The following SYT12 variants were observed in gnomAD, a reference collection of about 807,000 sequenced individuals.
SYT12 encodes the protein synaptotagmin 12.
In SYT12, 27 loss-of-function variants were observed where a neutral mutation model predicts 39.5. That is an observed-to-expected ratio of 0.68 (90% CI 0.50 to 0.94). The LOEUF (loss-of-function observed/expected upper bound fraction) is 0.94. Among genes scored for constraint, SYT12 ranks in the 40% least tolerant of loss-of-function variants. The pLI, the probability that SYT12 is intolerant of heterozygous loss-of-function variation, is 0.00. For synonymous variants in SYT12, 233 were observed against 239.7 expected (o/e 0.97, Z 0.26); for missense variants, 536 against 572.6 (o/e 0.94, Z 0.65).
upstream of SYT12, among the ~76,000 whole-genome samples, chr11:67,018,319 C>T (rs537473412): frequency 2.0e-5 from 3 of 151,596 alleles, no homozygotes; most frequent in East Asian, 5.8e-4. Context: ...GGTACACTGC[C>T]TGTGGGGTAG....
chr11:67,035,812 TCC>T, intron 3 of SYT12, among the ~76,000 whole-genome samples: 3 of 72,316 alleles, frequency 4.1e-5, no homozygotes, highest in East Asian at 8.3e-4. Context: ...CTTCCTTCCT[TCC>T]TTCCTTCCTT....
At chr11:67,027,483 C>T (rs916984552) in intron 1 of SYT12, 2 of 122,886 alleles carry the variant, frequency 1.6e-5, no homozygotes, top group African/African-American at 6.5e-5. Context: ...CTGGGTGACA[C>T]AGTGAGGCTC....
chr11:67,033,935 G>A (rs1399595742), intron 2 of SYT12, among the ~76,000 whole-genome samples: 1 of 152,182 alleles, frequency 6.6e-6, no homozygotes, highest in African/African-American at 2.4e-5. Flanking sequence ...AGAGAGAGAA[G>A]GTTATTGACT....
rs113516478 is a variant in SYT12 at position 67,042,611 on chromosome 11, G to A, written c.622-1027G>A. Reference sequence around the variant, plus strand: ...CCACCCATGTGCACATAAAGCACACGCTCAGAGAATGGCTGGTTGGGGAGC... The same window carrying A: ...CCACCCATGTGCACATAAAGCACACACTCAGAGAATGGCTGGTTGGGGAGC... On this transcript the variant is annotated intron_variant, in intron 4 of 7. Transcript: ENST00000527043. Among the ~76,000 whole-genome samples, 344 of 152,276 alleles carry A rather than the reference G, an allele frequency of 2.3e-3. 2 individuals are homozygous for A. Among genetic ancestry groups the A allele is most frequent in the African/African-American group, 7.8e-3 (323 of 41,548 alleles).
At chr11:67,012,721 G>A (rs990755762) in intron 3 of SYT12, among the ~76,000 whole-genome samples, 9 of 152,266 alleles carry the variant, frequency 5.9e-5, no homozygotes, top group Non-Finnish European at 1.0e-4. Flanking sequence ...TCATTTCAGC[G>A]TCTCACTCAT....
intron 1 of SYT12, among the ~76,000 whole-genome samples, chr11:67,023,969 G>A (rs1398359391): frequency 1.3e-5 from 2 of 152,212 alleles, no homozygotes; most frequent in South Asian, 2.1e-4. Context: ...CTCAGCCGCC[G>A]GTGGCACCAG....
chr11:67,041,300 C>T (rs1484718570), intron 4 of SYT12, among the ~76,000 whole-genome samples: 2 of 151,930 alleles, frequency 1.3e-5, no homozygotes, highest in African/African-American at 4.8e-5. Context: ...GGTGAAACCC[C>T]GTCTCTACTA....
At chr11:67,028,224 G>A (rs2136207705) in intron 1 of SYT12, 1 of 152,308 alleles carries the variant, frequency 6.6e-6, no homozygotes, top group African/African-American at 2.4e-5. Flanking sequence ...TGCTTAGAAT[G>A]GCGCTTGATG....
At chr11:67,020,587 C>T (rs1435162541), upstream of SYT12, among the ~76,000 whole-genome samples, 3 of 152,164 alleles carry the variant, frequency 2.0e-5, no homozygotes, top group Non-Finnish European at 4.4e-5. Flanking sequence ...AGCATCCTCC[C>T]GTAGGCCCCT....
chr11:67,040,559 G>A (rs141196470), intron 4 of SYT12, among the ~76,000 whole-genome samples: 82 of 152,342 alleles, frequency 5.4e-4, no homozygotes, highest in Non-Finnish European at 9.6e-4. Context: ...CAGGACTGGG[G>A]CTGGTTGTGG....
chr11:67,047,402 G>A (rs964653608), intron 7 of SYT12, among the ~76,000 whole-genome samples: 1 of 150,830 alleles, frequency 6.6e-6, no homozygotes, highest in Non-Finnish European at 1.5e-5. Context: ...CGAGTAGCTG[G>A]GATTACAGGC....
At chr11:67,040,355 G>A (rs372203261) in intron 4 of SYT12, 152 bp downstream of exon 4, 3 of 1,174,588 alleles carry the variant, frequency 2.6e-6, no homozygotes, top group East Asian at 2.5e-5. Context: ...AGACTGTAGA[G>A]GGAGCTCTGT....
At chr11:67,020,830 G>T (rs1383393819), upstream of SYT12, among the ~76,000 whole-genome samples, 1 of 152,188 alleles carries the variant, frequency 6.6e-6, no homozygotes, top group African/African-American at 2.4e-5. Context: ...CTGGGTTCAA[G>T]CGATTCTCCT....
At chr11:67,048,437 C>T in intron 7 of SYT12, 147 bp from the exon 8 acceptor site, 2 of 767,972 alleles carry the variant, frequency 2.6e-6, no homozygotes, top group Non-Finnish European at 4.0e-6. Context: ...TGGGGCAAGT[C>T]TCCTCACCTC....
chr11:67,032,606 T>C (rs950580974), intron 2 of SYT12: 15 of 152,236 alleles, frequency 9.9e-5, no homozygotes, highest in African/African-American at 3.1e-4. Flanking sequence ...TTTCCTCTTT[T>C]AGAAAGTAGG....
chr11:67,039,013 TA>T (rs1270873912), intron 3 of SYT12, among the ~76,000 whole-genome samples: 1 of 141,612 alleles, frequency 7.1e-6, no homozygotes, highest in Non-Finnish European at 1.5e-5. Context: ...AATAAATAAA[TA>T]AATAGTTGGC....
intron 4 of SYT12, among the ~76,000 whole-genome samples, chr11:67,040,615 A>G (rs570672153): frequency 2.7e-5 from 4 of 150,446 alleles, no homozygotes; most frequent in African/African-American, 9.8e-5. Flanking sequence ...CGAGGCGGGC[A>G]GATCATGAGG....
intron 2 of SYT12, chr11:67,010,679 A>G (rs1950007251): frequency 6.6e-6 from 1 of 152,328 alleles, no homozygotes; most frequent in Non-Finnish European, 1.5e-5. Flanking sequence ...GTCCCTAGGC[A>G]GCCTGGGAAA....
At chr11:67,009,189 A>G (rs1949994103) in intron 1 of SYT12, among the ~76,000 whole-genome samples, 1 of 151,960 alleles carries the variant, frequency 6.6e-6, no homozygotes, top group Non-Finnish European at 1.5e-5. Flanking sequence ...TATTTTTTGT[A>G]AAGATGGGGT....
Sources: gnomAD v4.1 joint callset for allele counts (sites outside exome capture counted in the v4.1 genomes callset) on GRCh38, gnomAD v4.1.1 for gene constraint, MANE v1.5 for transcripts, NCBI Gene and HGNC (gene_info 2026-07-23, HGNC 2026-07-21) for gene names.